Variants in PODN observed in about 807,000 individuals in gnomAD.
PODN encodes the protein podocan proteoglycan.
A neutral mutation model predicts 52.7 loss-of-function variants in PODN; 40 were observed. The observed-to-expected ratio is 0.76, with a 90% CI of 0.59 to 0.99. The LOEUF (loss-of-function observed/expected upper bound fraction) is 0.99, where lower values mean the gene tolerates loss of function less well. Among genes scored for constraint, PODN ranks in the 50% least tolerant of loss-of-function variants. The pLI is 0.00. For missense variants in PODN, 720 were observed against 815.1 expected, an observed-to-expected ratio of 0.88 and a Z score of 1.42; for synonymous variants, 396 against 377.9, an observed-to-expected ratio of 1.05 and a Z score of -0.56.
intron 10 of PODN, among the ~76,000 whole-genome samples, chr1:53,083,261 G>T (rs1644319968): frequency 6.6e-6 from 1 of 152,186 alleles, no homozygotes; most frequent in African/African-American, 2.4e-5. Flanking sequence ...CATTTTCTGA[G>T]CCTCACAGGA....
intron 9 of PODN, 46 bp from the exon 10 acceptor site, chr1:53,081,935 C>CAG: frequency 6.4e-7 from 1 of 1,552,076 alleles, no homozygotes; most frequent in Non-Finnish European, 8.7e-7. Context: ...GGGAGGGTTC[C>CAG]TTGGGGGTTG....
chr1:53,077,900 C>A, intron 7 of PODN, 100 bp downstream of exon 7: 1 of 865,798 alleles, frequency 1.2e-6, no homozygotes, highest in Non-Finnish European at 1.8e-6. Context: ...ACGCACGTCC[C>A]CTGCCCACCT....
rs931765993 is a variant in PODN, at chr1:53,085,286, TGGG to T, written c.*803_*805del. 1 of 152,214 alleles carries T rather than the reference TGGG, an allele frequency of 6.6e-6. No homozygotes were observed. Among genetic ancestry groups the T allele is most frequent in the Non-Finnish European group, 1.5e-5 (1 of 68,126 alleles). The allele number at this position is 152,214 out of a possible 1,614,324, so 9.4% of individuals were successfully genotyped here. On this transcript the variant is annotated 3_prime_UTR_variant, in exon 11 of 11. Transcript: ENST00000312553. ...AGCCCCCTGGGTGCTGCTGGGGCCT[TGGG>T]GCAGGAGTGAAGCAGAGGTGATGGG...
chr1:53,065,807 C>G (rs1644024268), intron 1 of PODN, among the ~76,000 whole-genome samples: 1 of 152,146 alleles, frequency 6.6e-6, no homozygotes, highest in Admixed American at 6.5e-5. Flanking sequence ...ACTGTCTTGC[C>G]TCTGGGCCTT....
rs1644217922 is a variant in PODN, at chr1:53,077,751, C to T, written c.805C>T (p.Leu269=). Residue 269 remains leucine (L), a synonymous_variant, in exon 7 of 11, where the codon CTG becomes TTG. Coordinates refer to ENST00000312553, the MANE Select transcript of PODN (RefSeq NM_153703.5). ...GCTGAGCAGCCTGCGCGAGCTATAC[C>T]TGCAGAACAACTACCTGACTGACGA... ...SELSSLRELY[L]QNNYLTDEGL... The T allele has an allele frequency of 6.2e-7, 1 of 1,613,838 alleles. No individual in the cohort carries two copies. The highest frequency in any genetic ancestry group is 1.3e-5 in the African/African-American group (1 of 75,064).
chr1:53,082,673 G>T (rs951902955), intron 10 of PODN, among the ~76,000 whole-genome samples: 11 of 152,186 alleles, frequency 7.2e-5, no homozygotes, highest in African/African-American at 1.9e-4. Flanking sequence ...ACCTACATGT[G>T]CACATGCACA....
In PODN at chr1:53,077,710, C is replaced by G. The variant is rs200853703; in HGVS notation, c.764C>G (p.Pro255Arg). The change falls in exon 7 of 11, where the codon CCG (proline) becomes CGG (arginine). Residue 255 changes from proline (P) to arginine (R), a missense_variant. Physicochemically the swap from Pro to Arg is moderately radical, Grantham distance 103. Transcript: ENST00000312553. ...LKNNKLEKIP[P>R]GAFSELSSLR... ...AACAACAAGCTGGAGAAGATCCCCC[C>G]GGGGGCCTTCAGCGAGCTGAGCAGC... is the stretch of plus-strand genomic sequence containing the variant. The G allele has an allele frequency of 3.1e-6, 5 of 1,613,384 alleles. No homozygotes were observed. Among genetic ancestry groups the G allele is most frequent in the Non-Finnish European group, 4.2e-6 (5 of 1,179,878 alleles).
intron 3 of PODN, among the ~76,000 whole-genome samples, chr1:53,072,673 A>G (rs991213839): frequency 5.9e-5 from 9 of 152,210 alleles, no homozygotes; most frequent in Admixed American, 1.3e-4. Flanking sequence ...TTTTCCCTAG[A>G]CGTCCCTGTC....
chr1:53,080,255 G>A (rs1333644718), intron 8 of PODN, among the ~76,000 whole-genome samples: 2 of 152,206 alleles, frequency 1.3e-5, no homozygotes, highest in Non-Finnish European at 2.9e-5. Flanking sequence ...GTCCATAAGT[G>A]AGCAGTCCCA....
intron 3 of PODN, 44 bp downstream of exon 3, chr1:53,071,672 G>T (rs773834349): frequency 6.4e-7 from 1 of 1,552,190 alleles, no homozygotes; most frequent in Non-Finnish European, 8.9e-7. Flanking sequence ...ACCAAGTGGG[G>T]CCTTGGGGGC....
chr1:53,064,639 T>G (rs539737298), intron 1 of PODN, among the ~76,000 whole-genome samples: 2 of 152,280 alleles, frequency 1.3e-5, no homozygotes, highest in South Asian at 4.1e-4. Flanking sequence ...GGCCTTGAGG[T>G]TTGGTTCCCT....
rs758606040 is a variant in PODN at position 53,069,880 on chromosome 1, C to A, written c.25C>A (p.Leu9Ile). Residue 9 changes from leucine (L) to isoleucine (I), a missense_variant, in exon 2 of 11, where the codon CTC becomes ATC. Transcript: ENST00000312553. ...CATGGCCCAGAGCCGGGTGCTGCTG[C>A]TCCTGCTGCTGCTGCCGCCACAGCT... The part of the protein sequence containing the change: MAQSRVLL[L>I]LLLLPPQLHL... 6.4e-7 allele frequency: 1 copy of A among 1,566,998 alleles called. No individual in the cohort carries two copies. The highest frequency in any genetic ancestry group is 8.6e-7 in the Non-Finnish European group (1 of 1,156,686).
rs370089694 is a variant in PODN, at chr1:53,069,927, C to T, written c.72C>T (p.Ala24=). The stretch of plus-strand genomic sequence containing the variant: ...AGCTGCACCTGGGACCTGTGCTTGC[C>T]GTGAGGGCCCCAGGATTTGGCCGAA... ...PPQLHLGPVL[A]VRAPGFGRSG... The change falls in exon 2 of 11, where the codon GCC becomes GCT. Residue 24 remains alanine (A), a synonymous_variant. Coordinates refer to ENST00000312553, the MANE Select transcript of PODN (RefSeq NM_153703.5). 1.4e-5 allele frequency: 22 copies of T among 1,579,776 alleles called. No homozygotes were observed. In the Admixed American group the frequency reaches 1.8e-4, roughly 13 times the overall value.
At chr1:53,081,917 C>CG in intron 9 of PODN, 64 bp from the exon 10 acceptor site, 2 of 1,529,746 alleles carry the variant, frequency 1.3e-6, no homozygotes, top group Non-Finnish European at 1.8e-6. Context: ...AGAGGCCAGT[C>CG]GGGGGAAGGG....
chr1:53,077,811 G>A lies in PODN; in HGVS notation c.854+11G>A, dbSNP rs1204128532. On this transcript the variant is annotated intron_variant, in intron 7 of 10. Transcript: ENST00000312553. ...CAACGAGACCTTCTGGTGAGTCCTT[G>A]TCTCACCAGGTCCTTGGCGTGACCA... 6 of 1,610,518 alleles carry A rather than the reference G, an allele frequency of 3.7e-6. No individual in the cohort carries two copies. The highest frequency in any genetic ancestry group is 4.2e-6 in the Non-Finnish European group (5 of 1,178,016).
chr1:53,066,031 T>C (rs1009493270), intron 1 of PODN, among the ~76,000 whole-genome samples: 1 of 138,666 alleles, frequency 7.2e-6, no homozygotes, highest in Non-Finnish European at 1.5e-5. Flanking sequence ...GGTCTCACTC[T>C]GTTACCCAGG....
intron 1 of PODN, among the ~76,000 whole-genome samples, chr1:53,067,881 A>G (rs1644055485): frequency 7.0e-6 from 1 of 143,372 alleles, no homozygotes; most frequent in South Asian, 2.2e-4. Context: ...GCACCACTGC[A>G]CTCCAGCCTG....
chr1:53,075,431 T>C (rs917780922), intron 4 of PODN, among the ~76,000 whole-genome samples: 2 of 152,180 alleles, frequency 1.3e-5, no homozygotes, highest in African/African-American at 2.4e-5. Context: ...TCCAGTCCCA[T>C]TGAGGTCCTC....
At chr1:53,064,818 A>G (rs1307027146) in intron 1 of PODN, among the ~76,000 whole-genome samples, 1 of 152,222 alleles carries the variant, frequency 6.6e-6, no homozygotes, top group East Asian at 1.9e-4. Flanking sequence ...AGAGGCTCGG[A>G]GCAGTAAAGT....
Sources: gnomAD v4.1 joint callset for allele counts (sites outside exome capture counted in the v4.1 genomes callset) on GRCh38, gnomAD v4.1.1 for gene constraint, MANE v1.5 for transcripts, NCBI Gene and HGNC (gene_info 2026-07-23, HGNC 2026-07-21) for gene names.